The following TNFSF13B variants were observed in gnomAD, a reference collection of about 807,000 sequenced individuals.
TNFSF13B encodes tumor necrosis factor ligand superfamily member 13B.
TNFSF13B carries 8 observed loss-of-function variants against 29.1 expected under a neutral mutation model. The observed-to-expected ratio is 0.27, with a 90% CI of 0.16 to 0.50. TNFSF13B has a LOEUF of 0.50. Among genes scored for constraint, TNFSF13B ranks in the 20% least tolerant of loss-of-function variants. The pLI, the probability that TNFSF13B is intolerant of heterozygous loss-of-function variation, is 0.98. For synonymous variants in TNFSF13B, 125 were observed against 130.8 expected (o/e 0.96, Z 0.30); for missense variants, 248 against 334.9 (o/e 0.74, Z 2.03).
chr13:108,297,064 T>G (rs558747670), intron 3 of TNFSF13B, among the ~76,000 whole-genome samples: 9 of 145,954 alleles, frequency 6.2e-5, no homozygotes, highest in African/African-American at 2.0e-4. Context: ...TCTTCATATG[T>G]CTTTCAATTC....
intron 2 of TNFSF13B, among the ~76,000 whole-genome samples, chr13:108,284,295 C>G (rs1365916122): frequency 3.3e-5 from 5 of 152,154 alleles, no homozygotes; most frequent in Non-Finnish European, 4.4e-5. Flanking sequence ...CGCCACTGCA[C>G]TCCAGCCTGG....
intron 3 of TNFSF13B, among the ~76,000 whole-genome samples, chr13:108,291,280 C>T (rs142088697): frequency 6.6e-5 from 10 of 151,600 alleles, no homozygotes; most frequent in South Asian, 2.1e-4. Flanking sequence ...AAGAAAAATA[C>T]GTGCTATTTT....
At chr13:108,277,758 A>G (rs1880800995) in intron 2 of TNFSF13B, among the ~76,000 whole-genome samples, 3 of 152,136 alleles carry the variant, frequency 2.0e-5, no homozygotes, top group African/African-American at 7.2e-5. Flanking sequence ...TGACATTGCC[A>G]TGGCATCATG....
Position 108,277,306 on chromosome 13 carries a change from T to C in TNFSF13B, c.424+6882T>C, listed in dbSNP as rs566518070. Among the ~76,000 whole-genome samples the C allele has an allele frequency of 5.3e-5, 8 of 152,304 alleles. No homozygotes were observed. The East Asian group carries it at 1.5e-3, about 29-fold the overall frequency. ...ATTGATGCAAAATTTAAAAGAACAA[T>C]AAAATAGACAAGTTATTTACAATTC... On this transcript the variant is annotated intron_variant, in intron 2 of 5. Coordinates refer to ENST00000375887, the MANE Select transcript of TNFSF13B (RefSeq NM_006573.5).
chr13:108,277,154 T>G (rs532898263), intron 2 of TNFSF13B, among the ~76,000 whole-genome samples: 1 of 152,314 alleles, frequency 6.6e-6, no homozygotes, highest in South Asian at 2.1e-4. Context: ...TGTATATCAT[T>G]TACTTTCTCA....
At chr13:108,294,671 G>A (rs114253629) in intron 3 of TNFSF13B, among the ~76,000 whole-genome samples, 2,139 of 147,258 alleles carry the variant, frequency 0.015, 232 homozygotes, top group African/African-American at 0.05. Flanking sequence ...ATTCTGGCCT[G>A]TAGTTTTTTG....
chr13:108,272,566 T>C lies in TNFSF13B; in HGVS notation c.424+2142T>C, dbSNP rs115862467. ...GCTTTAACTTCCCCCTCTCTCTTTT[T>C]TCCTTTCTAACTGGTATCTCAACCA... On this transcript the variant is annotated intron_variant, in intron 2 of 5. Coordinates refer to ENST00000375887, the MANE Select transcript of TNFSF13B (RefSeq NM_006573.5). Among the ~76,000 whole-genome samples the C allele has an allele frequency of 6.1e-3, 926 of 152,216 alleles. 10 individuals carry two copies. The highest frequency in any genetic ancestry group is 0.021 in the African/African-American group (890 of 41,560).
intron 2 of TNFSF13B, among the ~76,000 whole-genome samples, chr13:108,283,111 T>C (rs1881005894): frequency 6.6e-6 from 1 of 152,248 alleles, no homozygotes; most frequent in African/African-American, 2.4e-5. Context: ...AGCTGAGCAC[T>C]AATCTCCAGC....
In TNFSF13B at chr13:108,307,098, T is replaced by C; in HGVS notation, c.*160T>C. 3.7e-6 allele frequency: 2 copies of C among 546,608 alleles called. No individual in the cohort carries two copies. Among genetic ancestry groups the C allele is most frequent in the Non-Finnish European group, 6.2e-6 (2 of 321,238 alleles). 33.9% of individuals were successfully genotyped at this position (546,608 alleles called of 1,614,324 possible). ...GCTATTTGTTTTGGTTTGCTGAAAC[T>C]AGTCCAAAACAGGAAATTTAACAGA... On this transcript the variant is annotated 3_prime_UTR_variant, in exon 6 of 6. Coordinates refer to ENST00000375887, the MANE Select transcript of TNFSF13B (RefSeq NM_006573.5).
chr13:108,287,951 G>A (rs1051578984), intron 3 of TNFSF13B, among the ~76,000 whole-genome samples: 3 of 152,124 alleles, frequency 2.0e-5, no homozygotes, highest in Non-Finnish European at 4.4e-5. Flanking sequence ...CTTGAAATAA[G>A]AGTTTCAGTG....
At chr13:108,288,788 G>A (rs577143383) in intron 3 of TNFSF13B, among the ~76,000 whole-genome samples, 2 of 152,268 alleles carry the variant, frequency 1.3e-5, no homozygotes, top group South Asian at 2.1e-4. Context: ...AAGCAGGCGG[G>A]GGCAGGAGAA....
At chr13:108,303,976 A>G (rs1023225654) in intron 5 of TNFSF13B, among the ~76,000 whole-genome samples, 1 of 152,212 alleles carries the variant, frequency 6.6e-6, no homozygotes, top group Non-Finnish European at 1.5e-5. Context: ...TCTGACAAGG[A>G]TAGAGTGATT....
intron 2 of TNFSF13B, among the ~76,000 whole-genome samples, chr13:108,281,721 G>T (rs1244568628): frequency 6.6e-6 from 1 of 152,138 alleles, no homozygotes; most frequent in African/African-American, 2.4e-5. Flanking sequence ...AAAATTCAAA[G>T]TTCTCGACTT....
At chr13:108,292,704 C>G (rs1348864832) in intron 3 of TNFSF13B, among the ~76,000 whole-genome samples, 1 of 151,996 alleles carries the variant, frequency 6.6e-6, no homozygotes, top group Non-Finnish European at 1.5e-5. Flanking sequence ...CTTTTCATGT[C>G]CTTTTTGGTG....
chr13:108,271,974 C>T (rs1295264772), intron 2 of TNFSF13B, among the ~76,000 whole-genome samples: 11 of 152,076 alleles, frequency 7.2e-5, no homozygotes, highest in Admixed American at 7.2e-4. Flanking sequence ...GGAGAAGAAA[C>T]ATCTTCATCA....
intron 2 of TNFSF13B, among the ~76,000 whole-genome samples, chr13:108,284,260 C>T (rs28646206): frequency 2.0e-5 from 3 of 152,216 alleles, no homozygotes; most frequent in South Asian, 2.1e-4. Context: ...GCGCGGGAGG[C>T]GGAGCTTGCA....
intron 3 of TNFSF13B, among the ~76,000 whole-genome samples, chr13:108,298,904 G>A (rs962534776): frequency 2.1e-5 from 3 of 145,700 alleles, no homozygotes; most frequent in Non-Finnish European, 4.6e-5. Flanking sequence ...CCCAGAGGCA[G>A]AGGTTGCAGT....
chr13:108,303,671 CA>C, intron 5 of TNFSF13B, 67 bp downstream of exon 5: 1 of 1,497,212 alleles, frequency 6.7e-7, no homozygotes, highest in East Asian at 2.3e-5. Context: ...ATCTGAGCTG[CA>C]AAATGCAAAA....
At chr13:108,288,058 AT>A (rs1322057290) in intron 3 of TNFSF13B, among the ~76,000 whole-genome samples, 2 of 152,198 alleles carry the variant, frequency 1.3e-5, no homozygotes, top group Admixed American at 1.3e-4. Context: ...ACTTTAAAAA[AT>A]GTTTGTTTAA....
Sources: gnomAD v4.1 joint callset for allele counts (sites outside exome capture counted in the v4.1 genomes callset) on GRCh38, gnomAD v4.1.1 for gene constraint, MANE v1.5 for transcripts, NCBI Gene and HGNC (gene_info 2026-07-23, HGNC 2026-07-21) for gene names.